The following CFAP47 variants were observed in gnomAD, a reference collection of about 807,000 sequenced individuals.
CFAP47 encodes the protein cilia- and flagella-associated protein 47.
CFAP47 carries 29 observed loss-of-function variants against 148.1 expected under a neutral mutation model. The observed-to-expected ratio is 0.20, with a 90% confidence interval of 0.15 to 0.27. The LOEUF is 0.27. Ranked by LOEUF, CFAP47 falls within the 10% of genes least tolerant of loss-of-function variation. The pLI, the probability that CFAP47 is intolerant of heterozygous loss-of-function variation, is 1.00. For synonymous variants in CFAP47, 664 were observed against 577.3 expected (o/e 1.15, Z -2.15); for missense variants, 1,872 against 1,697.5 (o/e 1.10, Z -1.81).
intron 6 of CFAP47, 89 bp from the exon 7 acceptor site, chrX:35,953,503 A>T: frequency 1.4e-6 from 1 of 689,693 alleles, no homozygotes; most frequent in Non-Finnish European, 2.1e-6. Context: ...GCTTGCATAG[A>T]TTTAAAGATT....
Position 36,148,901 on chromosome X carries a change from ATGTGTGTG to A in CFAP47, c.5671-177_5671-170del, listed in dbSNP as rs60968920. On this transcript the variant is annotated intron_variant, in intron 36 of 63. Coordinates refer to ENST00000378653, the MANE Select transcript of CFAP47 (RefSeq NM_001304548.2). ...TGCCCACTTCAGCTAAACTGTATGT[ATGTGTGTG>A]TGTGTGTGTGTGTGTGTGTGTGTGT... Among the ~76,000 whole-genome samples, 53 of 92,262 alleles carry A rather than the reference ATGTGTGTG, an allele frequency of 5.7e-4. No homozygotes were observed. In the East Asian group the frequency reaches 0.014, roughly 25 times the overall value. The allele number at this position is 92,262 out of a possible 115,157, so 80.1% of individuals were successfully genotyped here. A position where few individuals can be genotyped will look rare whatever the true frequency, so the allele number is the denominator to read the frequency against.
chrX:36,168,766 T>G (rs748542002), intron 39 of CFAP47, among the ~76,000 whole-genome samples: 1 of 111,406 alleles, frequency 9.0e-6, no homozygotes, highest in Admixed American at 9.5e-5. Flanking sequence ...ATATAAAGAG[T>G]TGCAAAGAAA....
At position 36,361,425 on chromosome X, in the gene CFAP47, G is replaced by A; in HGVS notation, c.8947G>A (p.Glu2983Lys). ...LESCVALYMI[E>K]KSYDIMAKRI... The stretch of plus-strand genomic sequence containing the variant: ...ATCCTGTGTAGCTTTATATATGATT[G>A]AAAAATCTTATGATATTATGGCTAA... Residue 2983 changes from glutamate (E) to lysine (K), a missense_variant, in exon 61 of 64, where the codon GAA becomes AAA. Glu to Lys is a moderately conservative substitution (Grantham distance 56, BLOSUM62 1). Coordinates refer to ENST00000378653, the MANE Select transcript of CFAP47 (RefSeq NM_001304548.2). 1.8e-6 allele frequency: 2 copies of A among 1,089,568 alleles called. No individual in the cohort carries two copies. Among genetic ancestry groups the A allele is most frequent in the Non-Finnish European group, 2.5e-6 (2 of 808,168 alleles). The allele number at this position is 1,089,568 out of a possible 1,213,427, so 89.8% of individuals were successfully genotyped here.
At chrX:36,190,741 G>C (rs782306580) in intron 42 of CFAP47, among the ~76,000 whole-genome samples, 2 of 111,116 alleles carry the variant, frequency 1.8e-5, no homozygotes, top group Non-Finnish European at 3.8e-5. Context: ...GACAGAGAGA[G>C]TTAGAGAGGG....
chrX:35,953,497 G>T, intron 6 of CFAP47, 95 bp from the exon 7 acceptor site: 1 of 630,370 alleles, frequency 1.6e-6, no homozygotes, highest in Non-Finnish European at 2.3e-6. Flanking sequence ...TCATTTGCTT[G>T]CATAGATTTA....
intron 4 of CFAP47, among the ~76,000 whole-genome samples, chrX:35,949,259 C>T (rs748669200): frequency 1.8e-5 from 2 of 109,547 alleles, no homozygotes; most frequent in Non-Finnish European, 3.8e-5. Context: ...CTGATAGGAG[C>T]TTGGGTTTTA....
chrX:35,924,441 A>G lies in CFAP47; in HGVS notation c.250-1576A>G, dbSNP rs143070615. On this transcript the variant is annotated intron_variant, in intron 1 of 63. Coordinates refer to ENST00000378653, the MANE Select transcript of CFAP47 (RefSeq NM_001304548.2). ...TATGCACACATATGTGTATATATGT[A>G]CACCTATATGTGTATATAGGTGCAC... Among the ~76,000 whole-genome samples, 148 of 106,013 alleles carry G rather than the reference A, an allele frequency of 1.4e-3. 3 individuals carry two copies. The highest frequency in any genetic ancestry group is 3.8e-3 in the African/African-American group (109 of 28,667). The allele number at this position is 106,013 out of a possible 115,157, so 92.1% of individuals were successfully genotyped here.
intron 33 of CFAP47, among the ~76,000 whole-genome samples, chrX:36,133,523 A>G (rs1938986340): frequency 9.0e-6 from 1 of 110,587 alleles, no homozygotes; most frequent in Non-Finnish European, 1.9e-5. Context: ...AGAGAGAAAA[A>G]GAGGGCCAGA....
chrX:36,371,859 C>T lies in CFAP47; in HGVS notation c.9185+4732C>T, dbSNP rs188442920. 7.7e-4 allele frequency among the ~76,000 whole-genome samples: 40 copies of T among 52,240 alleles called. 5 individuals carry two copies. The highest frequency in any genetic ancestry group is 7.2e-3 in the African/African-American group (32 of 4,419). 45.4% of individuals were successfully genotyped at this position (52,240 alleles called of 115,157 possible). ...GTGTATATGTGTGTATATATGTGTG[C>T]ATATACACACATGTGTATATATGTG... On this transcript the variant is annotated intron_variant, in intron 62 of 63. Coordinates refer to ENST00000378653, the MANE Select transcript of CFAP47 (RefSeq NM_001304548.2).
chrX:36,285,703 A>G lies in CFAP47; in HGVS notation c.7663A>G (p.Met2555Val). 1 of 1,154,499 alleles carries G rather than the reference A, an allele frequency of 8.7e-7. No homozygotes were observed. Among genetic ancestry groups the G allele is most frequent in the African/African-American group, 1.8e-5 (1 of 56,024 alleles). ...HSTPGPPIEI[M>V]EMTCIALDST... is the part of the protein sequence containing the mutation. Reference sequence around the variant, plus strand: ...CACTCCTGGACCACCCATAGAGATTATGGAAATGACATGTATTGCTCTGGT... The same window carrying G: ...CACTCCTGGACCACCCATAGAGATTGTGGAAATGACATGTATTGCTCTGGT... Residue 2555 changes from methionine (M) to valine (V), a missense_variant, in exon 51 of 64, where the codon ATG becomes GTG. By Grantham distance (21) the Met-to-Val change is conservative (BLOSUM62 1). Coordinates refer to ENST00000378653, the MANE Select transcript of CFAP47 (RefSeq NM_001304548.2).
intron 62 of CFAP47, chrX:36,367,805 A>G (rs782482956): frequency 9.0e-6 from 1 of 111,562 alleles, no homozygotes; most frequent in Non-Finnish European, 1.9e-5. Flanking sequence ...CTTTGTCTCT[A>G]TAGTTTTGCC....
chrX:36,090,257 G>C (rs1480843495), intron 30 of CFAP47, among the ~76,000 whole-genome samples: 1 of 111,740 alleles, frequency 8.9e-6, no homozygotes, highest in African/African-American at 3.2e-5. Context: ...AATTCAATAA[G>C]TCCAAAACCT....
At chrX:36,030,748 C>G (rs148887039) in intron 22 of CFAP47, among the ~76,000 whole-genome samples, 2,855 of 110,204 alleles carry the variant, frequency 0.026, 40 homozygotes, top group Non-Finnish European at 0.039. Context: ...ATAATATCTT[C>G]TCTAATGCAG....
At chrX:36,129,938 C>T (rs1193813847) in intron 33 of CFAP47, among the ~76,000 whole-genome samples, 2 of 111,273 alleles carry the variant, frequency 1.8e-5, no homozygotes, top group Non-Finnish European at 3.8e-5. Flanking sequence ...TTTGAATAGA[C>T]ATTTCTAAAA....
intron 26 of CFAP47, among the ~76,000 whole-genome samples, chrX:36,060,648 A>G (rs759214460): frequency 7.1e-5 from 8 of 112,123 alleles, no homozygotes; most frequent in African/African-American, 2.6e-4. Context: ...CTGCTGTGGT[A>G]CAAATCAATG....
At chrX:36,074,785 C>T (rs180711360) in intron 29 of CFAP47, among the ~76,000 whole-genome samples, 4 of 111,144 alleles carry the variant, frequency 3.6e-5, no homozygotes, top group Non-Finnish European at 5.7e-5. Flanking sequence ...CAACATCTCT[C>T]GGGTCCCTCA....
chrX:35,948,365 C>T lies in CFAP47; in HGVS notation c.569C>T (p.Thr190Ile). The T allele has an allele frequency of 8.3e-7, 1 of 1,199,058 alleles. No individual in the cohort carries two copies. The highest frequency in any genetic ancestry group is 1.1e-6 in the Non-Finnish European group (1 of 884,095). The change falls in exon 4 of 64, where the codon ACT (threonine) becomes ATT (isoleucine). Residue 190 changes from threonine (T) to isoleucine (I), a missense_variant. Thr to Ile is a moderately conservative substitution (Grantham distance 89). Transcript: ENST00000378653. ...CAATTACCCATCCTCATTTTTCCAA[C>T]TAGTGGTATCGTGGATGCTAAGTCA... Reference protein sequence around the residue: ...HGQLPILIFPTSGIVDAKSSM... With the variant: ...HGQLPILIFPISGIVDAKSSM...
chrX:36,258,614 A>G (rs914634537), intron 49 of CFAP47, among the ~76,000 whole-genome samples: 2 of 111,769 alleles, frequency 1.8e-5, no homozygotes, highest in Admixed American at 1.9e-4. Context: ...AATATGTAAT[A>G]TTTTCTCAAA....
intron 3 of CFAP47, among the ~76,000 whole-genome samples, chrX:35,946,973 G>T (rs762279527): frequency 2.2e-4 from 24 of 111,504 alleles, no homozygotes; most frequent in Admixed American, 9.6e-4. Context: ...AACCATTTCT[G>T]CTTTCAGAAT....
Sources: allele counts gnomAD v4.1 joint callset (sites outside exome capture counted in the v4.1 genomes callset), GRCh38; gene constraint gnomAD v4.1.1; transcripts MANE v1.5; gene names NCBI Gene and HGNC (gene_info 2026-07-23, HGNC 2026-07-21).